NINL: variants seen among roughly 807,000 people sequenced by gnomAD.
NINL encodes ninein like, also known as ninein-like protein.
In NINL, 153 loss-of-function variants were observed where a neutral mutation model predicts 160.3. The observed-to-expected ratio is 0.95, with a 90% CI of 0.84 to 1.09. The LOEUF (loss-of-function observed/expected upper bound fraction) is 1.09. NINL is among the 50% of genes least tolerant of loss of function. The probability of loss-of-function intolerance (pLI) is 0.00; values close to 1 mark genes in which losing one functional copy is unlikely to be tolerated. For synonymous variants in NINL, 800 were observed against 734.8 expected (o/e 1.09, Z -1.43); for missense variants, 1,829 against 1,764.0 (o/e 1.04, Z -0.66).
intron 1 of NINL, among the ~76,000 whole-genome samples, chr20:25,545,135 T>C (rs980125410): frequency 3.9e-5 from 6 of 152,282 alleles, no homozygotes; most frequent in Admixed American, 2.6e-4. Context: ...TCCTTTAAAG[T>C]GCAGAAGGCA....
intron 10 of NINL, among the ~76,000 whole-genome samples, chr20:25,493,642 G>A (rs546492034): frequency 1.8e-4 from 27 of 150,254 alleles, no homozygotes; most frequent in Middle Eastern, 3.4e-3. Flanking sequence ...CCCAGGGGCC[G>A]GGGGGCATCT....
chr20:25,506,732 G>T (rs1299184893), intron 5 of NINL, among the ~76,000 whole-genome samples: 1 of 152,142 alleles, frequency 6.6e-6, no homozygotes, highest in Non-Finnish European at 1.5e-5. Context: ...CGGTCCCATG[G>T]ACACTGAAGG....
Position 25,495,202 on chromosome 20 carries a change from C to T in NINL, c.1310+1461G>A, listed in dbSNP as rs367792277. Among the ~76,000 whole-genome samples the T allele has an allele frequency of 1.5e-4, 23 of 152,308 alleles. 1 individual carries two copies. In the East Asian group the frequency reaches 3.1e-3, roughly 20 times the overall value. ...AGGTTCACGACAAAGATGCTCAGGGCTTCTTTGGTAAAGGAGCAGCAGCTT... is the reference window on the plus strand; with the variant it reads ...AGGTTCACGACAAAGATGCTCAGGGTTTCTTTGGTAAAGGAGCAGCAGCTT... On this transcript the variant is annotated intron_variant, in intron 10 of 23. Coordinates refer to ENST00000278886, the MANE Select transcript of NINL (RefSeq NM_025176.6).
intron 1 of NINL, among the ~76,000 whole-genome samples, chr20:25,543,518 A>C (rs1330447127): frequency 6.6e-6 from 1 of 152,164 alleles, no homozygotes; most frequent in African/African-American, 2.4e-5. Context: ...ATGCCCAACT[A>C]AATTGAAAGG....
At chr20:25,567,506 A>G (rs1185556719) in intron 1 of NINL, among the ~76,000 whole-genome samples, 2 of 152,176 alleles carry the variant, frequency 1.3e-5, no homozygotes, top group Non-Finnish European at 2.9e-5. Flanking sequence ...TCATATTCAA[A>G]TTGGAGAAAA....
chr20:25,561,565 C>G (rs1226740009), intron 1 of NINL, among the ~76,000 whole-genome samples: 3 of 151,636 alleles, frequency 2.0e-5, no homozygotes. Flanking sequence ...TCTGCCCGGC[C>G]GCCATCCCAC....
chr20:25,507,440 G>A (rs2063984461), intron 5 of NINL, among the ~76,000 whole-genome samples: 1 of 152,182 alleles, frequency 6.6e-6, no homozygotes, highest in Non-Finnish European at 1.5e-5. Flanking sequence ...GACACTGGGT[G>A]TCCAGCAGAA....
intron 5 of NINL, among the ~76,000 whole-genome samples, chr20:25,508,509 G>T (rs575213917): frequency 6.6e-6 from 1 of 152,354 alleles, no homozygotes; most frequent in Non-Finnish European, 1.5e-5. Context: ...GGAGTTGGGG[G>T]TTCCCGGGGT....
rs79712300 is a variant in NINL at position 25,562,771 on chromosome 20, TAAAAAA to T, written c.-12+22678_-12+22683del. On this transcript the variant is annotated intron_variant, in intron 1 of 23. Coordinates refer to ENST00000278886, the MANE Select transcript of NINL (RefSeq NM_025176.6). ...GCGAGAAACACCCAAGAATGATCAA[TAAAAAA>T]AAAAAAACAAAAACAAAAACAAAGT... 1.2e-4 allele frequency among the ~76,000 whole-genome samples: 16 copies of T among 129,166 alleles called. No individual in the cohort carries two copies. In the East Asian group the frequency reaches 2.6e-3, roughly 21 times the overall value. 84.7% of individuals were successfully genotyped at this position (129,166 alleles called of 152,430 possible).
chr20:25,472,616 AC>A, intron 17 of NINL, among the ~76,000 whole-genome samples: 1 of 150,718 alleles, frequency 6.6e-6, no homozygotes, highest in Non-Finnish European at 1.5e-5. Flanking sequence ...TGCAGCCTCA[AC>A]CTCCCAGGCT....
At chr20:25,524,677 ACCAATCAT>A (rs1481661376) in intron 2 of NINL, among the ~76,000 whole-genome samples, 1 of 152,100 alleles carries the variant, frequency 6.6e-6, no homozygotes, top group African/African-American at 2.4e-5. Flanking sequence ...ATGCTCTAAT[ACCAATCAT>A]GGTTATTCTA....
intron 17 of NINL, among the ~76,000 whole-genome samples, chr20:25,473,493 A>T (rs6132839): frequency 4.9e-4 from 56 of 113,782 alleles, no homozygotes; most frequent in South Asian, 1.1e-3. Context: ...AAATAATAAA[A>T]TAAATAAAAT....
intron 7 of NINL, 103 bp from the exon 8 acceptor site, chr20:25,501,113 C>T (rs1228650326): frequency 7.0e-7 from 1 of 1,423,812 alleles, no homozygotes; most frequent in African/African-American, 1.4e-5. Flanking sequence ...CAGAGGGCCT[C>T]ACAGGAACAG....
chr20:25,526,713 A>G, intron 1 of NINL, 115 bp from the exon 2 acceptor site: 1 of 1,114,872 alleles, frequency 9.0e-7, no homozygotes, highest in South Asian at 1.5e-5. Context: ...AGGAGCTGGC[A>G]TGTGGGGAAG....
chr20:25,512,394 A>C (rs1470852329), intron 4 of NINL, among the ~76,000 whole-genome samples: 2 of 152,192 alleles, frequency 1.3e-5, no homozygotes, highest in African/African-American at 4.8e-5. Flanking sequence ...TAGTATCGGG[A>C]AAGAGAGATG....
chr20:25,488,198 C>T (rs1480344067), intron 13 of NINL, among the ~76,000 whole-genome samples: 3 of 152,138 alleles, frequency 2.0e-5, no homozygotes, highest in Non-Finnish European at 4.4e-5. Flanking sequence ...TGTGGCACGC[C>T]GAGGTGTGAA....
intron 17 of NINL, 44 bp from the exon 18 acceptor site, chr20:25,470,139 A>C: frequency 6.7e-7 from 1 of 1,495,624 alleles, no homozygotes; most frequent in Non-Finnish European, 9.3e-7. Context: ...TTGGGGAGCC[A>C]CATGTGGTCA....
chr20:25,455,853 G>A, intron 22 of NINL, 67 bp from the exon 23 acceptor site: 1 of 1,329,080 alleles, frequency 7.5e-7, no homozygotes, highest in South Asian at 1.2e-5. Flanking sequence ...AGCACTTTGG[G>A]AGGCCGAGGC....
intron 10 of NINL, 137 bp from the exon 11 acceptor site, chr20:25,491,662 G>T: frequency 9.9e-7 from 1 of 1,014,182 alleles, no homozygotes; most frequent in Non-Finnish European, 1.4e-6. Flanking sequence ...CCTTGGCTGA[G>T]CTGCCCATGC....
Sources: gnomAD v4.1 joint callset for allele counts (sites outside exome capture counted in the v4.1 genomes callset) on GRCh38, gnomAD v4.1.1 for gene constraint, MANE v1.5 for transcripts, NCBI Gene and HGNC (gene_info 2026-07-23, HGNC 2026-07-21) for gene names.